Variants in PDE10A observed in about 807,000 individuals in gnomAD.
PDE10A encodes cAMP and cAMP-inhibited cGMP 3',5'-cyclic phosphodiesterase 10A.
In PDE10A, 39 loss-of-function variants were observed where a neutral mutation model predicts 97.7. That is an observed-to-expected ratio of 0.40 (90% confidence interval 0.31 to 0.52). The LOEUF (loss-of-function observed/expected upper bound fraction) is 0.52, where lower values mean the gene tolerates loss of function less well. Among genes scored for constraint, PDE10A ranks in the 20% least tolerant of loss-of-function variants. The pLI is 0.56. For missense variants in PDE10A, 731 were observed against 1,047.8 expected (o/e 0.70, Z 4.17); for synonymous variants, 371 against 376.8 (o/e 0.98, Z 0.18).
At chr6:165,722,758 G>A (rs1792196252) in intron 1 of PDE10A, among the ~76,000 whole-genome samples, 1 of 152,048 alleles carries the variant, frequency 6.6e-6, no homozygotes, top group Non-Finnish European at 1.5e-5. Flanking sequence ...ATGAAGTCTG[G>A]AGTAGTTCCT....
intron 1 of PDE10A, among the ~76,000 whole-genome samples, chr6:165,547,459 A>G (rs1284504959): frequency 6.6e-6 from 1 of 152,170 alleles, no homozygotes; most frequent in Non-Finnish European, 1.5e-5. Flanking sequence ...CAGTCTAAAC[A>G]AAACCAAACT....
chr6:165,382,643 A>C (rs1211743930), intron 17 of PDE10A, among the ~76,000 whole-genome samples: 1 of 152,152 alleles, frequency 6.6e-6, no homozygotes, highest in Non-Finnish European at 1.5e-5. Flanking sequence ...TAATAAAAAT[A>C]AACTGTATTA....
intron 1 of PDE10A, among the ~76,000 whole-genome samples, chr6:165,812,888 G>A (rs1779318007): frequency 6.6e-6 from 1 of 152,050 alleles, no homozygotes; most frequent in Admixed American, 6.5e-5. Flanking sequence ...TGGTGTGGGA[G>A]GGGGAATTAG....
At chr6:165,365,705 GAAAACCCGGTCTC>G (rs1354333675) in intron 18 of PDE10A, among the ~76,000 whole-genome samples, 1 of 152,028 alleles carries the variant, frequency 6.6e-6, no homozygotes, top group Non-Finnish European at 1.5e-5. Flanking sequence ...GGGGGACAGA[GAAAACCCGGTCTC>G]AAAAAAGTGA....
intron 18 of PDE10A, among the ~76,000 whole-genome samples, chr6:165,376,840 G>A (rs928166020): frequency 3.9e-5 from 6 of 152,194 alleles, no homozygotes; most frequent in Middle Eastern, 3.4e-3. Context: ...GATCCCTGGC[G>A]CCCAGGAGTT....
At chr6:165,939,301 A>C (rs1783437043) in intron 1 of PDE10A, among the ~76,000 whole-genome samples, 1 of 152,234 alleles carries the variant, frequency 6.6e-6, no homozygotes, top group Non-Finnish European at 1.5e-5. Context: ...GCATGTGTGC[A>C]AGTCCACGTG....
chr6:165,855,311 G>A (rs865915510), intron 1 of PDE10A, among the ~76,000 whole-genome samples: 22 of 150,720 alleles, frequency 1.5e-4, no homozygotes, highest in African/African-American at 4.4e-4. Flanking sequence ...GTGGCGGGGG[G>A]GGGGGGGGAC....
At chr6:165,593,684 AATAAAAACATTTTATT>A (rs1326747594) in intron 1 of PDE10A, among the ~76,000 whole-genome samples, 1 of 152,238 alleles carries the variant, frequency 6.6e-6, no homozygotes, top group Middle Eastern at 3.2e-3. Flanking sequence ...TATGTTTTAT[AATAAAAACATTTTATT>A]ATAACTTGCT....
intron 1 of PDE10A, among the ~76,000 whole-genome samples, chr6:165,742,244 C>T (rs1298057977): frequency 2.6e-5 from 4 of 152,192 alleles, no homozygotes; most frequent in African/African-American, 9.7e-5. Flanking sequence ...ACTGTGCCTC[C>T]TCCTAAGTCA....
At position 165,882,055 on chromosome 6, in the gene PDE10A, A is replaced by G. The variant is rs138021715; in HGVS notation, c.-615+105474T>C. ...GCATCCTCTCATTTCGTCAGACACC[A>G]GTCACGTAGAAATCAGCCCTCTGGC... On this transcript the variant is annotated intron_variant, in intron 1 of 19. Transcript: ENST00000366882. Among the ~76,000 whole-genome samples the G allele has an allele frequency of 2.8e-3, 427 of 152,296 alleles. 2 individuals carry two copies. Among genetic ancestry groups the G allele is most frequent in the African/African-American group, 9.7e-3 (405 of 41,564 alleles).
chr6:165,820,639 A>T (rs1779543476), intron 1 of PDE10A, among the ~76,000 whole-genome samples: 1 of 152,210 alleles, frequency 6.6e-6, no homozygotes, highest in Admixed American at 6.5e-5. Context: ...GGGCTTCCCA[A>T]AATGCTTCAT....
chr6:165,618,934 C>G (rs1414460959), intron 1 of PDE10A, among the ~76,000 whole-genome samples: 1 of 141,910 alleles, frequency 7.0e-6, no homozygotes, highest in African/African-American at 2.8e-5. Flanking sequence ...AGCGTGTAGT[C>G]TAGTGTAGTC....
chr6:165,605,397 T>C (rs1467119052), intron 1 of PDE10A, among the ~76,000 whole-genome samples: 1 of 152,222 alleles, frequency 6.6e-6, no homozygotes, highest in Non-Finnish European at 1.5e-5. Flanking sequence ...CTCCCACCAT[T>C]TCTCCAACTG....
At chr6:165,843,212 C>G (rs775118771) in intron 1 of PDE10A, among the ~76,000 whole-genome samples, 11 of 152,174 alleles carry the variant, frequency 7.2e-5, no homozygotes, top group Non-Finnish European at 1.6e-4. Flanking sequence ...AAGGACTGCA[C>G]AGCAACAGAA....
At position 165,819,618 on chromosome 6, in the gene PDE10A, CG is replaced by C. The variant is rs1323513123; in HGVS notation, c.-615+167910del. The stretch of plus-strand genomic sequence containing the variant: ...GTTGCCGGACACAGTCAGGCAGAGC[CG>C]GTTGCTCCTCCCCTGGTTTCCGTGG... On this transcript the variant is annotated intron_variant, in intron 1 of 19. Coordinates refer to the PDE10A transcript ENST00000366882. This position sits in a 1 kb window ranked among gnomAD's most constrained non-coding sequence, Gnocchi z 4.2. Among the ~76,000 whole-genome samples, 1 of 152,172 alleles carries C rather than the reference CG, an allele frequency of 6.6e-6. No individual in the cohort carries two copies. The highest frequency in any genetic ancestry group is 2.4e-5 in the African/African-American group (1 of 41,448).
chr6:165,781,411 T>G (rs1482135358), intron 1 of PDE10A: 1 of 152,268 alleles, frequency 6.6e-6, no homozygotes, highest in African/African-American at 2.4e-5. Flanking sequence ...GAAAAAATCA[T>G]GTTCTCCATC....
intron 1 of PDE10A, among the ~76,000 whole-genome samples, chr6:165,632,926 A>G (rs1050362825): frequency 6.6e-6 from 1 of 152,126 alleles, no homozygotes; most frequent in African/African-American, 2.4e-5. Flanking sequence ...TCTAGCTGAA[A>G]TTCACAAGGC....
At chr6:165,468,770 A>G (rs966407896) in intron 3 of PDE10A, among the ~76,000 whole-genome samples, 1 of 152,202 alleles carries the variant, frequency 6.6e-6, no homozygotes, top group Non-Finnish European at 1.5e-5. Flanking sequence ...ACAAACCACA[A>G]TCTAGGTGTG....
chr6:165,832,115 A>AGTATTT (rs1779938525), intron 1 of PDE10A, among the ~76,000 whole-genome samples: 1 of 152,166 alleles, frequency 6.6e-6, no homozygotes, highest in Non-Finnish European at 1.5e-5. Flanking sequence ...CACCCTAGGA[A>AGTATTT]AGTCTCTAGT....
Sources: gnomAD v4.1 joint callset for allele counts (sites outside exome capture counted in the v4.1 genomes callset) on GRCh38, gnomAD v4.1.1 for gene constraint, Gnocchi (gnomAD v3.1) non-coding constraint, MANE v1.5 for transcripts, NCBI Gene and HGNC (gene_info 2026-07-23, HGNC 2026-07-21) for gene names.